ENAH: variants seen among roughly 807,000 people sequenced by gnomAD.
The protein encoded by ENAH is ENAH actin regulator.
In ENAH, 23 loss-of-function variants were observed where a neutral mutation model predicts 78.7. The ratio of observed to expected loss-of-function variants is 0.29; its 90% CI spans 0.21 to 0.41. The LOEUF (loss-of-function observed/expected upper bound fraction) is 0.41, where lower values mean the gene tolerates loss of function less well. Among genes scored for constraint, ENAH ranks in the 10% least tolerant of loss-of-function variants. The pLI, the probability that ENAH is intolerant of heterozygous loss-of-function variation, is 1.00. For synonymous variants in ENAH, 226 were observed against 241.0 expected, an observed-to-expected ratio of 0.94 and a Z score of 0.58; for missense variants, 544 against 691.0, an observed-to-expected ratio of 0.79 and a Z score of 2.39.
intron 3 of ENAH, among the ~76,000 whole-genome samples, chr1:225,542,591 A>C (rs762835024): frequency 1.3e-5 from 2 of 152,258 alleles, no homozygotes; most frequent in African/African-American, 2.4e-5. Flanking sequence ...AACACAAGAC[A>C]GCTAATATTT....
At chr1:225,646,649 C>T (rs976919604) in intron 1 of ENAH, among the ~76,000 whole-genome samples, 5 of 151,580 alleles carry the variant, frequency 3.3e-5, no homozygotes, top group Admixed American at 6.6e-5. Context: ...ATTAGCCAGG[C>T]GTGGTGGCAG....
chr1:225,570,605 T>C (rs1005782471), intron 1 of ENAH, among the ~76,000 whole-genome samples: 3 of 152,090 alleles, frequency 2.0e-5, no homozygotes, highest in Non-Finnish European at 2.9e-5. Flanking sequence ...ATAGTAAATA[T>C]ATTTTCTCCT....
chr1:225,553,346 G>A (rs1469033275), intron 3 of ENAH, among the ~76,000 whole-genome samples: 1 of 152,048 alleles, frequency 6.6e-6, no homozygotes, highest in Non-Finnish European at 1.5e-5. Context: ...AATGACAAGA[G>A]GAATAATAAA....
intron 2 of ENAH, among the ~76,000 whole-genome samples, chr1:225,560,286 G>A (rs1463115343): frequency 2.0e-5 from 3 of 151,984 alleles, no homozygotes; most frequent in Non-Finnish European, 4.4e-5. Flanking sequence ...GAGGTCAGGA[G>A]TTCGAGACCA....
chr1:225,531,529 T>C (rs1358398833), intron 3 of ENAH, among the ~76,000 whole-genome samples: 2 of 152,064 alleles, frequency 1.3e-5, no homozygotes, highest in Non-Finnish European at 2.9e-5. Context: ...TCTAATCCAG[T>C]AAACAAGAAA....
At chr1:225,601,084 G>C (rs2096928171) in intron 1 of ENAH, among the ~76,000 whole-genome samples, 1 of 151,986 alleles carries the variant, frequency 6.6e-6, no homozygotes, top group South Asian at 2.1e-4. Flanking sequence ...ACTTCAAACA[G>C]GTCTTAAAAT....
At chr1:225,503,832 A>G (rs994304167) in intron 11 of ENAH, among the ~76,000 whole-genome samples, 7 of 152,134 alleles carry the variant, frequency 4.6e-5, no homozygotes, top group African/African-American at 1.7e-4. Flanking sequence ...CTCCCAACTC[A>G]CTGCAATAGA....
chr1:225,566,361 C>A (rs960026945), intron 2 of ENAH, among the ~76,000 whole-genome samples: 11 of 152,056 alleles, frequency 7.2e-5, no homozygotes, highest in African/African-American at 2.7e-4. Flanking sequence ...TCTTACCAAT[C>A]CATAATCACC....
intron 1 of ENAH, among the ~76,000 whole-genome samples, chr1:225,640,890 A>T (rs1410458795): frequency 1.3e-5 from 2 of 149,468 alleles, no homozygotes; most frequent in Admixed American, 6.7e-5. Context: ...ATACAAGTAC[A>T]TACTTTTTTT....
At chr1:225,567,166 T>C (rs1252374120) in intron 2 of ENAH, 83 bp downstream of exon 2, 10 of 1,476,166 alleles carry the variant, frequency 6.8e-6, no homozygotes, top group African/African-American at 4.3e-5. Context: ...ATTACAGTTT[T>C]AAAACTACTT....
intron 1 of ENAH, among the ~76,000 whole-genome samples, chr1:225,617,613 C>T (rs907878715): frequency 1.3e-5 from 2 of 152,194 alleles, no homozygotes; most frequent in African/African-American, 4.8e-5. Flanking sequence ...TTAATTTAGT[C>T]TCTTCCTTAA....
chr1:225,551,419 T>A (rs1412367997), intron 3 of ENAH, among the ~76,000 whole-genome samples: 2 of 152,124 alleles, frequency 1.3e-5, no homozygotes, highest in Non-Finnish European at 2.9e-5. Context: ...TTTATAAATT[T>A]AAAAAATTTG....
intron 1 of ENAH, among the ~76,000 whole-genome samples, chr1:225,629,588 GAA>G (rs377579413): frequency 3.2e-5 from 4 of 123,458 alleles, no homozygotes; most frequent in African/African-American, 3.0e-5. Context: ...CACTGTCCCA[GAA>G]AAAAAAAAAA....
intron 1 of ENAH, among the ~76,000 whole-genome samples, chr1:225,584,643 C>T (rs1271859622): frequency 1.3e-5 from 2 of 151,318 alleles, no homozygotes; most frequent in Non-Finnish European, 2.9e-5. Flanking sequence ...TACATGCTGC[C>T]CACAGAGATG....
At chr1:225,578,593 C>G (rs1184610587) in intron 1 of ENAH, among the ~76,000 whole-genome samples, 1 of 152,192 alleles carries the variant, frequency 6.6e-6, no homozygotes, top group Non-Finnish European at 1.5e-5. Context: ...AGACAGCCTG[C>G]TGCTAAGCAG....
At chr1:225,591,843 G>A (rs1052064224) in intron 1 of ENAH, among the ~76,000 whole-genome samples, 2 of 151,634 alleles carry the variant, frequency 1.3e-5, no homozygotes, top group Non-Finnish European at 2.9e-5. Flanking sequence ...ATTATTCAGG[G>A]CAGAGTGTTG....
chr1:225,602,048 T>C (rs1036002274), intron 1 of ENAH, among the ~76,000 whole-genome samples: 10 of 152,064 alleles, frequency 6.6e-5, no homozygotes, highest in Non-Finnish European at 1.5e-4. Flanking sequence ...AAGCTGTTTC[T>C]TGGTAAATAT....
chr1:225,643,064 T>C (rs1358789965), intron 1 of ENAH, among the ~76,000 whole-genome samples: 5 of 152,206 alleles, frequency 3.3e-5, no homozygotes, highest in East Asian at 1.9e-4. Flanking sequence ...CAAATACTTA[T>C]GCATACTCAC....
intron 1 of ENAH, among the ~76,000 whole-genome samples, chr1:225,594,841 T>C (rs574720121): frequency 6.6e-6 from 1 of 152,360 alleles, no homozygotes; most frequent in South Asian, 2.1e-4. Context: ...AAATACTTTA[T>C]AGACAGCTTT....
Sources: allele counts gnomAD v4.1 joint callset (sites outside exome capture counted in the v4.1 genomes callset), GRCh38; gene constraint gnomAD v4.1.1; transcripts MANE v1.5; gene names NCBI Gene and HGNC (gene_info 2026-07-23, HGNC 2026-07-21).